Variants in ACSM3 observed in about 807,000 individuals in gnomAD.
ACSM3 encodes acyl-CoA synthetase medium chain family member 3, also known as acyl-coenzyme A synthetase ACSM3, mitochondrial.
ACSM3 carries 61 observed loss-of-function variants against 74.1 expected under a neutral mutation model. The observed-to-expected ratio is 0.82, with a 90% CI of 0.67 to 1.02. The LOEUF is 1.02. ACSM3 is among the 50% of genes least tolerant of loss of function. The pLI is 0.00. For synonymous variants in ACSM3, 213 were observed against 241.5 expected (o/e 0.88, Z 1.09); for missense variants, 660 against 697.0 (o/e 0.95, Z 0.60).
chr16:20,728,458 C>T (rs548107544), intron 1 of ACSM3: 30 of 1,321,022 alleles, frequency 2.3e-5, no homozygotes, highest in Admixed American at 1.4e-4. Flanking sequence ...CTAAAGTCTA[C>T]ACAGCCCTTC....
At chr16:20,737,988 TTC>T (rs1264070491) in intron 1 of ACSM3, 1 of 1,559,088 alleles carries the variant, frequency 6.4e-7, no homozygotes, top group Non-Finnish European at 8.7e-7. Flanking sequence ...AGAAGATAAT[TTC>T]TCAGACATCT....
intron 6 of ACSM3, 151 bp downstream of exon 6, chr16:20,781,281 C>T (rs916847639): frequency 2.1e-6 from 2 of 973,598 alleles, no homozygotes; most frequent in African/African-American, 1.7e-5. Context: ...TGAAAAGATA[C>T]ACTCGGCCCC....
chr16:20,763,472 G>A (rs1232710929), upstream of ACSM3, among the ~76,000 whole-genome samples: 1 of 152,166 alleles, frequency 6.6e-6, no homozygotes. Flanking sequence ...TGCAGAGTGA[G>A]GCAGAGGAAG....
At chr16:20,791,229 C>T (rs914084274) in intron 10 of ACSM3, among the ~76,000 whole-genome samples, 5 of 152,162 alleles carry the variant, frequency 3.3e-5, no homozygotes, top group Admixed American at 2.6e-4. Flanking sequence ...GTAACAGTAT[C>T]TTGTTTTTTC....
intron 1 of ACSM3, among the ~76,000 whole-genome samples, chr16:20,746,727 C>A (rs904092301): frequency 1.3e-5 from 2 of 152,132 alleles, no homozygotes; most frequent in Non-Finnish European, 1.5e-5. Flanking sequence ...TTGAGTCTGC[C>A]CCTAGAGGAG....
intron 1 of ACSM3, chr16:20,737,291 A>G (rs1050001142): frequency 1.9e-6 from 3 of 1,598,890 alleles, no homozygotes; most frequent in Non-Finnish European, 2.6e-6. Flanking sequence ...CTATTCCTGT[A>G]ACAAAAACAG....
At chr16:20,682,391 G>T (rs1175069359) in intron 1 of ACSM3, 1 of 1,613,868 alleles carries the variant, frequency 6.2e-7, no homozygotes, top group East Asian at 2.2e-5. Context: ...AATGCCCTTG[G>T]CTTTAGACAA....
chr16:20,793,073 G>A (rs1424316511), intron 12 of ACSM3, among the ~76,000 whole-genome samples: 2 of 152,180 alleles, frequency 1.3e-5, no homozygotes, highest in Non-Finnish European at 2.9e-5. Flanking sequence ...TCTGTACCAT[G>A]TATTCAAGCT....
At chr16:20,789,526 G>A (rs889436980) in intron 9 of ACSM3, 28 of 1,613,696 alleles carry the variant, frequency 1.7e-5, no homozygotes, top group Non-Finnish European at 2.1e-5. Flanking sequence ...CTCATATTGG[G>A]CTTCTGAAGT....
intron 1 of ACSM3, among the ~76,000 whole-genome samples, chr16:20,690,338 C>T (rs1380228513): frequency 6.6e-6 from 1 of 152,208 alleles, no homozygotes; most frequent in Non-Finnish European, 1.5e-5. Flanking sequence ...AATGTCACTA[C>T]TGCTTCTCTC....
chr16:20,763,654 C>G (rs975679066), upstream of ACSM3: 1 of 152,192 alleles, frequency 6.6e-6, no homozygotes, highest in African/African-American at 2.4e-5. Flanking sequence ...ATAAACGCAC[C>G]AATGGGCTTG....
intron 1 of ACSM3, among the ~76,000 whole-genome samples, chr16:20,723,053 G>A (rs2079791370): frequency 6.6e-6 from 1 of 151,914 alleles, no homozygotes; most frequent in Non-Finnish European, 1.5e-5. Context: ...CCCACAACAG[G>A]CCCCAGTGTG....
At chr16:20,752,138 C>G (rs568448259) in intron 2 of ACSM3, among the ~76,000 whole-genome samples, 1 of 151,970 alleles carries the variant, frequency 6.6e-6, no homozygotes, top group Non-Finnish European at 1.5e-5. Flanking sequence ...TGCAGTTAGC[C>G]GAGACTGCAC....
intron 1 of ACSM3, among the ~76,000 whole-genome samples, chr16:20,712,150 CA>C (rs1755488289): frequency 6.6e-6 from 1 of 152,180 alleles, no homozygotes; most frequent in East Asian, 1.9e-4. Flanking sequence ...TGAGCCACCA[CA>C]CCTGGCCCTG....
chr16:20,715,111 T>C (rs2079757000), intron 1 of ACSM3, among the ~76,000 whole-genome samples: 2 of 152,192 alleles, frequency 1.3e-5, no homozygotes, highest in South Asian at 4.1e-4. Context: ...AGTATTTAAA[T>C]ATGAGGGGTC....
At chr16:20,699,036 A>G (rs2079705123) in intron 1 of ACSM3, 1 of 152,186 alleles carries the variant, frequency 6.6e-6, no homozygotes, top group Admixed American at 6.5e-5. Flanking sequence ...CAAAGTCTTG[A>G]GCTTAATTAA....
chr16:20,708,051 A>T (rs2079732910), intron 1 of ACSM3, among the ~76,000 whole-genome samples: 1 of 152,270 alleles, frequency 6.6e-6, no homozygotes, highest in Non-Finnish European at 1.5e-5. Flanking sequence ...CTGTAATCCC[A>T]GCACTTTGGG....
intron 1 of ACSM3, among the ~76,000 whole-genome samples, chr16:20,726,826 A>G (rs1230903012): frequency 4.6e-5 from 7 of 152,212 alleles, no homozygotes; most frequent in Admixed American, 4.6e-4. Flanking sequence ...TGGTGAGATC[A>G]CCTTGACAAG....
chr16:20,738,040 C>A, intron 1 of ACSM3: 1 of 1,230,878 alleles, frequency 8.1e-7, no homozygotes, highest in Non-Finnish European at 1.1e-6. Flanking sequence ...CTGGCAATGA[C>A]ATAAGTTGAC....
Sources: allele counts gnomAD v4.1 joint callset (sites outside exome capture counted in the v4.1 genomes callset), GRCh38; gene constraint gnomAD v4.1.1; transcripts MANE v1.5; gene names NCBI Gene and HGNC (gene_info 2026-07-23, HGNC 2026-07-21).